The following SCNN1A variants were observed in gnomAD, a reference collection of about 807,000 sequenced individuals.
The protein encoded by SCNN1A is sodium channel epithelial 1 subunit alpha.
Under a neutral mutation model 68.6 loss-of-function variants are expected in SCNN1A, and 65 were observed. The ratio of observed to expected loss-of-function variants is 0.95; its 90% CI spans 0.78 to 1.16. The LOEUF (loss-of-function observed/expected upper bound fraction) is 1.16. Among genes scored for constraint, SCNN1A ranks in the 50% most tolerant of loss-of-function variants. SCNN1A has a pLI of 0.00. For missense variants in SCNN1A, 880 were observed against 865.9 expected, an observed-to-expected ratio of 1.02 and a Z score of -0.20; for synonymous variants, 357 against 353.3, an observed-to-expected ratio of 1.01 and a Z score of -0.12.
intron 2 of SCNN1A, among the ~76,000 whole-genome samples, chr12:6,369,908 G>A (rs2136902075): frequency 6.6e-6 from 1 of 151,946 alleles, no homozygotes; most frequent in African/African-American, 2.4e-5. Flanking sequence ...AGGAGGCAGA[G>A]CCTTTGAGTT....
At position 6,372,822 on chromosome 12, in the gene SCNN1A, C is replaced by T. The variant is rs140611762; in HGVS notation, c.416+1546G>A. 4.1e-3 allele frequency among the ~76,000 whole-genome samples: 617 copies of T among 152,240 alleles called. 7 individuals are homozygous for T. Among genetic ancestry groups the T allele is most frequent in the African/African-American group, 0.014 (566 of 41,526 alleles). On this transcript the variant is annotated intron_variant, in intron 2 of 12. Transcript: ENST00000228916. This position sits in a 1 kb window ranked among gnomAD's most constrained non-coding sequence, Gnocchi z 5.8. ...CTCTGAAATGAGGCGGAAGCCACATCTGACTGGAAGTTTCATTCACTCAAA... is the reference window on the plus strand; with the variant it reads ...CTCTGAAATGAGGCGGAAGCCACATTTGACTGGAAGTTTCATTCACTCAAA...
At chr12:6,367,371 G>A (rs1431427470) in intron 2 of SCNN1A, among the ~76,000 whole-genome samples, 1 of 152,202 alleles carries the variant, frequency 6.6e-6, no homozygotes, top group African/African-American at 2.4e-5. Context: ...ATTTAACAGA[G>A]TTGACTTGAG....
chr12:6,347,868 C>A lies in SCNN1A; in HGVS notation c.*5G>T, dbSNP rs913130129. ...GCCTTGGTGTGAGAAACCTCTCCTT[C>A]CCTCTCAGGGCCCCCCCAGAGGACA... On this transcript the variant is annotated 3_prime_UTR_variant, in exon 13 of 13. Coordinates refer to ENST00000228916, the MANE Select transcript of SCNN1A (RefSeq NM_001038.6). 6.3e-7 allele frequency: 1 copy of A among 1,599,738 alleles called. No homozygotes were observed.
Position 6,348,720 on chromosome 12 carries a change from G to T in SCNN1A, c.1629+7C>A. 1 of 1,611,664 alleles carries T rather than the reference G, an allele frequency of 6.2e-7. No individual in the cohort carries two copies. Among genetic ancestry groups the T allele is most frequent in the Non-Finnish European group, 8.5e-7 (1 of 1,178,482 alleles). On this transcript the variant is annotated splice_region_variant and intron_variant, in intron 12 of 12. Transcript: ENST00000228916. ...AGCATCACAGGCTCCATCCAGGCAC[G>T]ACCTACCGTGACAGAGGGAGACTCA...
At chr12:6,356,865 G>A (rs1948506572) in intron 4 of SCNN1A, among the ~76,000 whole-genome samples, 1 of 152,190 alleles carries the variant, frequency 6.6e-6, no homozygotes, top group East Asian at 1.9e-4. Context: ...AGAGAAGAGG[G>A]AGAAGAGGCT....
intron 2 of SCNN1A, 86 bp from the exon 3 acceptor site, chr12:6,363,796 C>T (rs1042210445): frequency 1.5e-5 from 20 of 1,327,228 alleles, no homozygotes; most frequent in Admixed American, 7.7e-5. Context: ...CATCTGTGCC[C>T]CGGGAGGCCG....
rs1034016911 is a variant in SCNN1A at position 6,358,808 on chromosome 12, T to C, written c.876-2928A>G. 4.1e-5 allele frequency among the ~76,000 whole-genome samples: 6 copies of C among 146,574 alleles called. No individual in the cohort carries two copies. The Admixed American group carries it at 4.1e-4, about 10-fold the overall frequency. On this transcript the variant is annotated intron_variant, in intron 4 of 12. Coordinates refer to ENST00000228916, the MANE Select transcript of SCNN1A (RefSeq NM_001038.6). ...CCAGGAAATCAAAGCTACAGTGAGG[T>C]CTGATTGTGCCACTGTACTCCAGCC...
chr12:6,370,506 A>G (rs896217613), intron 2 of SCNN1A, among the ~76,000 whole-genome samples: 4 of 152,186 alleles, frequency 2.6e-5, no homozygotes, highest in Admixed American at 2.6e-4. Context: ...CCTCTCACAG[A>G]AGAGCCCATG....
rs2136916236 is a variant in SCNN1A at position 6,375,453 on chromosome 12, G to T, written c.-55+52C>A. On this transcript the variant is annotated intron_variant, in intron 1 of 12. Transcript: ENST00000228916. Reference sequence around the variant, plus strand: ...CACTCCCAGGTTGCGGCTGGACTGGGACTGGTTCCTTTCCAGTTGAATCTG... The same window carrying T: ...CACTCCCAGGTTGCGGCTGGACTGGTACTGGTTCCTTTCCAGTTGAATCTG... 3 of 1,535,400 alleles carry T rather than the reference G, an allele frequency of 2.0e-6. No homozygotes were observed. The East Asian group carries it at 7.3e-5, about 38-fold the overall frequency.
chr12:6,369,881 C>G (rs1265221899), intron 2 of SCNN1A, among the ~76,000 whole-genome samples: 2 of 150,404 alleles, frequency 1.3e-5, no homozygotes, highest in African/African-American at 4.9e-5. Context: ...CCCCGTGATA[C>G]TAGAAATTCC....
At chr12:6,365,895 A>G (rs773504501) in intron 2 of SCNN1A, among the ~76,000 whole-genome samples, 1 of 152,048 alleles carries the variant, frequency 6.6e-6, no homozygotes, top group Non-Finnish European at 1.5e-5. Context: ...CGGAGTCTCA[A>G]TTGCCCAGGC....
intron 8 of SCNN1A, chr12:6,349,751 G>A (rs1186159007): frequency 1.9e-5 from 5 of 257,070 alleles, no homozygotes; most frequent in Admixed American, 4.9e-5. Context: ...TTTTTAGACG[G>A]AGTTTCGCTC....
At chr12:6,357,946 T>C (rs1380227965) in intron 4 of SCNN1A, among the ~76,000 whole-genome samples, 1 of 152,080 alleles carries the variant, frequency 6.6e-6, no homozygotes, top group African/African-American at 2.4e-5. Context: ...TGTCATGAGC[T>C]GAGATTGCGC....
At position 6,347,576 on chromosome 12, in the gene SCNN1A, C is replaced by T. The variant is rs370775523; in HGVS notation, c.*297G>A. The T allele has an allele frequency of 4.8e-5, 22 of 460,484 alleles. No individual in the cohort carries two copies. Among genetic ancestry groups the T allele is most frequent in the Middle Eastern group, 5.8e-4 (1 of 1,716 alleles). The allele number at this position is 460,484 out of a possible 1,614,324, so 28.5% of individuals were successfully genotyped here. The stretch of plus-strand genomic sequence containing the variant: ...AGTTCCTTGTCAAAGCTCCAAGTTT[C>T]GCTTGGCTGATCCAAGGGAAAAAGA... On this transcript the variant is annotated 3_prime_UTR_variant, in exon 13 of 13. Transcript: ENST00000228916.
At position 6,372,781 on chromosome 12, in the gene SCNN1A, G is replaced by C. The variant is rs1456562671; in HGVS notation, c.416+1587C>G. On this transcript the variant is annotated intron_variant, in intron 2 of 12. Transcript: ENST00000228916. The surrounding 1 kb of genome is among the most constrained non-coding windows in gnomAD (Gnocchi z 5.8). The stretch of plus-strand genomic sequence containing the variant: ...AGGGGGAGAAAAATGAGGCTAAGAG[G>C]AAGGACCCAAGAGAGCTCTGAAATG... Among the ~76,000 whole-genome samples the C allele has an allele frequency of 6.6e-6, 1 of 152,232 alleles. No individual in the cohort carries two copies. The highest frequency in any genetic ancestry group is 1.9e-4 in the East Asian group (1 of 5,198).
intron 8 of SCNN1A, among the ~76,000 whole-genome samples, 176 bp from the exon 9 acceptor site, chr12:6,349,581 G>A (rs1277581029): frequency 6.6e-6 from 1 of 152,100 alleles, no homozygotes; most frequent in Non-Finnish European, 1.5e-5. Context: ...GCTAAGCCAG[G>A]GACAGTGGCT....
At chr12:6,357,833 T>C (rs1456860141) in intron 4 of SCNN1A, among the ~76,000 whole-genome samples, 1 of 152,134 alleles carries the variant, frequency 6.6e-6, no homozygotes, top group East Asian at 1.9e-4. Context: ...ACCCCATCTC[T>C]ACTAAAAATA....
intron 3 of SCNN1A, 23 bp downstream of exon 3, chr12:6,363,420 C>T (rs1271933082): frequency 6.6e-7 from 1 of 1,510,350 alleles, no homozygotes; most frequent in East Asian, 2.5e-5. Context: ...GCGGGGCGGG[C>T]CCCTCGGCGC....
chr12:6,374,744 G>T lies in SCNN1A; in HGVS notation c.40C>A (p.Pro14Thr). 3 of 1,614,160 alleles carry T rather than the reference G, an allele frequency of 1.9e-6. No individual in the cohort carries two copies. The highest frequency in any genetic ancestry group is 2.5e-6 in the Non-Finnish European group (3 of 1,180,022). Residue 14 changes from proline to threonine, a missense_variant, in exon 2 of 13, where the codon CCA becomes ACA. This residue lies in a region of SCNN1A where 77 missense variants were observed against 67.4 expected (regional missense o/e 1.14). Transcript: ENST00000228916. The surrounding 1 kb of genome is among the most constrained non-coding windows in gnomAD (Gnocchi z 6.2). ...TTCATGAGCCCTGGAGTGGACTGTG[G>T]AGGGCTAGAGTCCTGCTCCTCCAGC... ...NKLEEQDSSP[P>T]QSTPGLMKGN...
Sources: gnomAD v4.1 joint callset for allele counts (sites outside exome capture counted in the v4.1 genomes callset) on GRCh38, gnomAD v4.1.1 for gene constraint, gnomAD v4.1.1 regional missense constraint, Gnocchi (gnomAD v3.1) non-coding constraint, MANE v1.5 for transcripts, NCBI Gene and HGNC (gene_info 2026-07-23, HGNC 2026-07-21) for gene names.